PLXNC1: variants seen among roughly 807,000 people sequenced by gnomAD.
The protein encoded by PLXNC1 is plexin C1, also known as plexin-C1.
Under a neutral mutation model 178.2 loss-of-function variants are expected in PLXNC1, and 75 were observed. That is an observed-to-expected ratio of 0.42 (90% CI 0.35 to 0.51). The LOEUF (loss-of-function observed/expected upper bound fraction) is 0.51, where lower values mean the gene tolerates loss of function less well. PLXNC1 is among the 20% of genes least tolerant of loss of function. The pLI, the probability that PLXNC1 is intolerant of heterozygous loss-of-function variation, is 0.02. For synonymous variants in PLXNC1, 790 were observed against 779.9 expected (o/e 1.01, Z -0.22); for missense variants, 1,503 against 1,984.4 (o/e 0.76, Z 4.61).
chr12:94,154,207 G>T (rs570986340), intron 1 of PLXNC1, among the ~76,000 whole-genome samples: 117 of 152,310 alleles, frequency 7.7e-4, no homozygotes, highest in Middle Eastern at 3.4e-3. Flanking sequence ...GGCAAGGACT[G>T]TAGTTATCAT....
At chr12:94,206,303 A>G (rs900904234) in intron 4 of PLXNC1, among the ~76,000 whole-genome samples, 1 of 151,868 alleles carries the variant, frequency 6.6e-6, no homozygotes, top group African/African-American at 2.4e-5. Context: ...GGGCGGTTAC[A>G]TACTTATATA....
In PLXNC1 at chr12:94,232,463, TCAA is replaced by T. The variant is rs1235509544; in HGVS notation, c.1981-5200_1981-5198del. ...ATGAATGCTTTTGGGGACCTTGCCT[TCAA>T]GAGTGAAATTAAATTTCACATATAC... On this transcript the variant is annotated intron_variant, in intron 9 of 30. Coordinates refer to ENST00000258526, the MANE Select transcript of PLXNC1 (RefSeq NM_005761.3). 9.8e-5 allele frequency among the ~76,000 whole-genome samples: 15 copies of T among 152,294 alleles called. No homozygotes were observed. In the South Asian group the frequency reaches 1.9e-3, roughly 19 times the overall value.
Position 94,227,178 on chromosome 12 carries a change from A to T in PLXNC1, c.1923A>T (p.Thr641=). The part of the protein sequence containing the change: ...QEQCPVAVEK[T]SGGGRPKENK... ...AGTGTCCAGTGGCTGTCGAGAAGAC[A>T]TCAGGAGGAGGAAGACCCAAGGAGA... Residue 641 remains threonine (T), a synonymous_variant, in exon 9 of 31, where the codon ACA becomes ACT. Transcript: ENST00000258526. The T allele has an allele frequency of 6.2e-7, 1 of 1,613,092 alleles. No homozygotes were observed. The highest frequency in any genetic ancestry group is 1.1e-5 in the South Asian group (1 of 91,062).
At chr12:94,165,137 A>C (rs1443857122) in intron 1 of PLXNC1, among the ~76,000 whole-genome samples, 1 of 152,214 alleles carries the variant, frequency 6.6e-6, no homozygotes, top group African/African-American at 2.4e-5. Flanking sequence ...CTAAGGGGAG[A>C]GAAGGGCAAG....
chr12:94,228,866 G>A (rs1194871249), intron 9 of PLXNC1, among the ~76,000 whole-genome samples: 3 of 152,116 alleles, frequency 2.0e-5, no homozygotes, highest in African/African-American at 7.2e-5. Flanking sequence ...TAGGAACGTG[G>A]GTGTGCTGCT....
chr12:94,197,250 T>C (rs539966761), intron 4 of PLXNC1, among the ~76,000 whole-genome samples: 82 of 152,304 alleles, frequency 5.4e-4, no homozygotes, highest in South Asian at 1.0e-3. Context: ...CCAAAGTTCA[T>C]GTATTGGACA....
At chr12:94,166,523 GGT>G (rs1491585948) in intron 1 of PLXNC1, among the ~76,000 whole-genome samples, 27 of 105,062 alleles carry the variant, frequency 2.6e-4, no homozygotes, top group Non-Finnish European at 4.2e-4. Context: ...CATGTTAGCT[GGT>G]ATTATTATTA....
At chr12:94,268,588 C>CTTTTTTTTTTTTTTTTTTTTTTTTTT (rs61265662) in intron 21 of PLXNC1, among the ~76,000 whole-genome samples, 1 of 90,884 alleles carries the variant, frequency 1.1e-5, no homozygotes. Context: ...AGAATAAGAC[C>CTTTTTTTTTTTTTTTTTTTTTTTTTT]TTTTTTTTTT....
rs754293608 is a variant in PLXNC1, at chr12:94,303,770, T to C, written c.4401T>C (p.Asn1467=). 25 of 1,357,468 alleles carry C rather than the reference T, an allele frequency of 1.8e-5. No individual in the cohort carries two copies. In the East Asian group the frequency reaches 8.3e-4, roughly 45 times the overall value. The allele number at this position is 1,357,468 out of a possible 1,614,324, so 84.1% of individuals were successfully genotyped here. A position where few individuals can be genotyped will look rare whatever the true frequency, so the allele number is the denominator to read the frequency against. ...EQQLGKEAPT[N]KLLYAKDIPT... is the part of the protein sequence containing the mutation. ...TTTTTCCCCAGGAAGCACCAACTAA[T>C]AAGCTTCTCTATGCCAAGGATATCC... Residue 1467 remains asparagine, a synonymous_variant, in exon 29 of 31, where the codon AAT becomes AAC. Transcript: ENST00000258526.
intron 21 of PLXNC1, among the ~76,000 whole-genome samples, chr12:94,273,301 G>T (rs895240059): frequency 2.6e-5 from 4 of 152,126 alleles, no homozygotes; most frequent in African/African-American, 9.7e-5. Flanking sequence ...TGGGAGGCAG[G>T]CCTGGGCTAC....
At chr12:94,197,127 G>A (rs1273303579) in intron 4 of PLXNC1, among the ~76,000 whole-genome samples, 5 of 152,118 alleles carry the variant, frequency 3.3e-5, no homozygotes, top group Non-Finnish European at 5.9e-5. Context: ...GGCATCATCA[G>A]ATTACATTGG....
At chr12:94,152,181 G>C (rs967044180) in intron 1 of PLXNC1, among the ~76,000 whole-genome samples, 5 of 152,122 alleles carry the variant, frequency 3.3e-5, no homozygotes, top group African/African-American at 1.2e-4. Flanking sequence ...GGAGCTTGGA[G>C]CTTTGCATTT....
intron 1 of PLXNC1, among the ~76,000 whole-genome samples, chr12:94,157,067 A>G (rs576195058): frequency 9.3e-4 from 142 of 152,202 alleles, no homozygotes; most frequent in Non-Finnish European, 1.7e-3. Flanking sequence ...GACTTTCTGT[A>G]TTATTTAGTC....
chr12:94,275,030 C>G (rs1226855213), intron 21 of PLXNC1, among the ~76,000 whole-genome samples: 2 of 152,172 alleles, frequency 1.3e-5, no homozygotes, highest in African/African-American at 4.8e-5. Context: ...TTTTAAGGCT[C>G]AGCGAAGTTA....
chr12:94,288,949 A>G (rs1194547607), intron 23 of PLXNC1, among the ~76,000 whole-genome samples: 1 of 152,242 alleles, frequency 6.6e-6, no homozygotes, highest in Non-Finnish European at 1.5e-5. Context: ...CACAATATTC[A>G]GAACATATTC....
At chr12:94,210,168 C>T (rs1223673009) in intron 5 of PLXNC1, among the ~76,000 whole-genome samples, 1 of 152,234 alleles carries the variant, frequency 6.6e-6, no homozygotes, top group Non-Finnish European at 1.5e-5. Context: ...ATGAACATAG[C>T]TTCCAACAGT....
chr12:94,283,285 A>G (rs567728162), intron 23 of PLXNC1, among the ~76,000 whole-genome samples: 1 of 152,308 alleles, frequency 6.6e-6, no homozygotes, highest in East Asian at 1.9e-4. Flanking sequence ...ATTTAGCCAG[A>G]CTGGGCTAGG....
At chr12:94,286,048 C>G (rs2136165396) in intron 23 of PLXNC1, among the ~76,000 whole-genome samples, 1 of 152,188 alleles carries the variant, frequency 6.6e-6, no homozygotes, top group East Asian at 1.9e-4. Context: ...AAGGTGAAGG[C>G]CTGTCGGGAG....
intron 2 of PLXNC1, among the ~76,000 whole-genome samples, chr12:94,180,406 C>A (rs1230544971): frequency 6.6e-6 from 1 of 152,140 alleles, no homozygotes; most frequent in Non-Finnish European, 1.5e-5. Context: ...TAACCCCTGA[C>A]CCCACTATAT....
Sources: gnomAD v4.1 joint callset for allele counts (sites outside exome capture counted in the v4.1 genomes callset) on GRCh38, gnomAD v4.1.1 for gene constraint, MANE v1.5 for transcripts, NCBI Gene and HGNC (gene_info 2026-07-23, HGNC 2026-07-21) for gene names.